DKK2: variants seen among roughly 807,000 people sequenced by gnomAD.
The protein encoded by DKK2 is dickkopf-related protein 2.
DKK2 carries 11 observed loss-of-function variants against 28.1 expected under a neutral mutation model. The ratio of observed to expected loss-of-function variants is 0.39; its 90% CI spans 0.25 to 0.65. DKK2 has a LOEUF of 0.65. DKK2 is among the 30% of genes least tolerant of loss of function. The pLI is 0.47. For missense variants in DKK2, 326 were observed against 335.5 expected, an observed-to-expected ratio of 0.97 and a Z score of 0.22; for synonymous variants, 135 against 126.5, an observed-to-expected ratio of 1.07 and a Z score of -0.45.
chr4:106,999,889 A>T (rs1382058949), intron 1 of DKK2, among the ~76,000 whole-genome samples: 1 of 152,222 alleles, frequency 6.6e-6, no homozygotes, highest in African/African-American at 2.4e-5. Flanking sequence ...TTCTTCAAAT[A>T]ACTATGGTAG....
intron 1 of DKK2, among the ~76,000 whole-genome samples, chr4:106,977,621 C>T (rs534951478): frequency 1.3e-5 from 2 of 152,242 alleles, no homozygotes; most frequent in South Asian, 4.1e-4. Context: ...ACTGGTTACT[C>T]TAGTTAGCAA....
intron 1 of DKK2, among the ~76,000 whole-genome samples, chr4:106,951,053 C>T (rs1407945538): frequency 6.6e-6 from 1 of 151,760 alleles, no homozygotes; most frequent in Non-Finnish European, 1.5e-5. Context: ...ATGTTGTTGC[C>T]TGTAAATATA....
Position 106,970,588 on chromosome 4 carries a change from C to A in DKK2, c.223-44639G>T, listed in dbSNP as rs186016032. The stretch of plus-strand genomic sequence containing the variant: ...GACAATCCCTGTTGCTATTACAGAA[C>A]CTCTCAAATGATTGACTCAATAGGT... On this transcript the variant is annotated intron_variant, in intron 1 of 3. Coordinates refer to ENST00000285311, the MANE Select transcript of DKK2 (RefSeq NM_014421.3). 1.2e-4 allele frequency among the ~76,000 whole-genome samples: 18 copies of A among 152,180 alleles called. No individual in the cohort carries two copies. In the East Asian group the frequency reaches 2.7e-3, roughly 23 times the overall value.
chr4:106,973,508 T>A (rs1250239903), intron 1 of DKK2, among the ~76,000 whole-genome samples: 1 of 152,234 alleles, frequency 6.6e-6, no homozygotes, highest in African/African-American at 2.4e-5. Flanking sequence ...CTTTTTTTCC[T>A]GTTTGTTGGC....
At chr4:106,979,186 C>G (rs1722992117) in intron 1 of DKK2, among the ~76,000 whole-genome samples, 1 of 151,848 alleles carries the variant, frequency 6.6e-6, no homozygotes, top group African/African-American at 2.4e-5. Flanking sequence ...ATGTGGCCAT[C>G]CTTTATAAAG....
intron 1 of DKK2, among the ~76,000 whole-genome samples, chr4:106,940,389 C>T (rs919111231): frequency 1.5e-4 from 23 of 151,674 alleles, no homozygotes; most frequent in Non-Finnish European, 2.9e-4. Context: ...CAGAGAAATG[C>T]AAATCAAAAC....
intron 1 of DKK2, among the ~76,000 whole-genome samples, chr4:106,983,563 C>T (rs914011817): frequency 5.3e-5 from 8 of 151,942 alleles, no homozygotes; most frequent in South Asian, 2.1e-4. Flanking sequence ...GATTTGATAC[C>T]GAAAGCACGG....
At chr4:106,985,719 G>C (rs1488214531) in intron 1 of DKK2, among the ~76,000 whole-genome samples, 1 of 150,812 alleles carries the variant, frequency 6.6e-6, no homozygotes, top group Non-Finnish European at 1.5e-5. Context: ...TGAGGCAGGA[G>C]AATCACTTGA....
At chr4:106,985,772 C>T (rs1490589067) in intron 1 of DKK2, among the ~76,000 whole-genome samples, 1 of 146,186 alleles carries the variant, frequency 6.8e-6, no homozygotes, top group Non-Finnish European at 1.5e-5. Context: ...TCACAGATTG[C>T]ACCATTGTTC....
At chr4:107,011,642 G>C (rs1193246666) in intron 1 of DKK2, among the ~76,000 whole-genome samples, 1 of 151,272 alleles carries the variant, frequency 6.6e-6, no homozygotes, top group Non-Finnish European at 1.5e-5. Context: ...AACATTTGCT[G>C]CTTCATCATG....
chr4:106,987,182 C>T (rs1723131713), intron 1 of DKK2, among the ~76,000 whole-genome samples: 1 of 152,122 alleles, frequency 6.6e-6, no homozygotes, highest in Non-Finnish European at 1.5e-5. Flanking sequence ...TATTCATATA[C>T]ATATATGTGT....
At chr4:106,988,674 A>T (rs1158120521) in intron 1 of DKK2, among the ~76,000 whole-genome samples, 1 of 151,026 alleles carries the variant, frequency 6.6e-6, no homozygotes, top group African/African-American at 2.5e-5. Context: ...GAGTGCTAAC[A>T]TGTGTGTAAA....
chr4:107,009,820 G>T (rs1723490634), intron 1 of DKK2, among the ~76,000 whole-genome samples: 1 of 151,764 alleles, frequency 6.6e-6, no homozygotes, highest in Admixed American at 6.6e-5. Context: ...TACGCAAAAA[G>T]CAATTTTAGG....
rs543088091 is a variant in DKK2 at position 106,924,494 on chromosome 4, T to G, written c.529+51A>C. ...CCAATGGAATTAATTATCTATATTT[T>G]TCTTCTATTTCTTTATTTTAAAAAA... is the stretch of plus-strand genomic sequence containing the variant. On this transcript the variant is annotated intron_variant, in intron 3 of 3. Transcript: ENST00000285311. 1.1e-4 allele frequency: 175 copies of G among 1,566,840 alleles called. 2 individuals are homozygous for G. The South Asian group carries it at 1.8e-3, about 16-fold the overall frequency.
Position 106,923,862 on chromosome 4 carries a change from T to G in DKK2, c.*92A>C, listed in dbSNP as rs908973658. ...TTATCACGTTTCTTATTTTAGCCAT[T>G]CTTCTGCATCTGAACCTTATTTTCC... is the stretch of plus-strand genomic sequence containing the variant. On this transcript the variant is annotated 3_prime_UTR_variant, in exon 4 of 4. Transcript: ENST00000285311. 7 of 1,509,018 alleles carry G rather than the reference T, an allele frequency of 4.6e-6. No individual in the cohort carries two copies. In the African/African-American group the frequency reaches 9.8e-5, roughly 21 times the overall value. The allele number at this position is 1,509,018 out of a possible 1,614,324, so 93.5% of individuals were successfully genotyped here. A position where few individuals can be genotyped will look rare whatever the true frequency, so the allele number is the denominator to read the frequency against.
chr4:106,960,114 T>TTTTATA (rs143817678), intron 1 of DKK2, among the ~76,000 whole-genome samples: 9 of 146,442 alleles, frequency 6.1e-5, no homozygotes, highest in East Asian at 4.0e-4. Flanking sequence ...AGAAAAAATG[T>TTTTATA]TATATATATA....
At chr4:107,023,330 T>C (rs2187353) in intron 1 of DKK2, among the ~76,000 whole-genome samples, 40,514 of 151,908 alleles carry the variant, frequency 0.27, 5,673 homozygotes, top group East Asian at 0.53. Context: ...AAACAATCAC[T>C]GTGAAAAGAC....
At position 106,994,474 on chromosome 4, in the gene DKK2, A is replaced by T. The variant is rs78624532; in HGVS notation, c.222+40896T>A. Among the ~76,000 whole-genome samples the T allele has an allele frequency of 1.6e-4, 23 of 144,358 alleles. No homozygotes were observed. The East Asian group carries it at 2.8e-3, about 17-fold the overall frequency. The allele number at this position is 144,358 out of a possible 152,430, so 94.7% of individuals were successfully genotyped here. A position where few individuals can be genotyped will look rare whatever the true frequency, so the allele number is the denominator to read the frequency against. ...TCCTATCTCTCTCTTTCTCTCTCTC[A>T]CACACACACATGTACACCACACACA... On this transcript the variant is annotated intron_variant, in intron 1 of 3. Coordinates refer to ENST00000285311, the MANE Select transcript of DKK2 (RefSeq NM_014421.3).
intron 2 of DKK2, 23 bp from the exon 3 acceptor site, chr4:106,924,723 T>C (rs1172002007): frequency 6.2e-7 from 1 of 1,605,578 alleles, no homozygotes; most frequent in South Asian, 1.1e-5. Flanking sequence ...ATATAATCAG[T>C]TAGACTAATT....
Sources: allele counts gnomAD v4.1 joint callset (sites outside exome capture counted in the v4.1 genomes callset), GRCh38; gene constraint gnomAD v4.1.1; transcripts MANE v1.5; gene names NCBI Gene and HGNC (gene_info 2026-07-23, HGNC 2026-07-21).